PCDH9: variants seen among roughly 807,000 people sequenced by gnomAD.
PCDH9 encodes the protein protocadherin 9.
In PCDH9, 24 loss-of-function variants were observed where a neutral mutation model predicts 70.6. The observed-to-expected ratio is 0.34, with a 90% confidence interval of 0.25 to 0.48. The LOEUF is 0.48. Among genes scored for constraint, PCDH9 ranks in the 20% least tolerant of loss-of-function variants. The pLI, the probability that PCDH9 is intolerant of heterozygous loss-of-function variation, is 0.99. For synonymous variants in PCDH9, 562 were observed against 558.5 expected (o/e 1.01, Z -0.09); for missense variants, 1,281 against 1,503.6 (o/e 0.85, Z 2.45).
At chr13:67,097,104 AAT>A (rs1555306711) in intron 2 of PCDH9, among the ~76,000 whole-genome samples, 1 of 151,136 alleles carries the variant, frequency 6.6e-6, no homozygotes, top group African/African-American at 2.4e-5. Flanking sequence ...AAAAAAAAAA[AAT>A]TAGCTGGGCA....
At chr13:66,413,074 C>T (rs1047998649) in intron 4 of PCDH9, among the ~76,000 whole-genome samples, 4 of 152,152 alleles carry the variant, frequency 2.6e-5, no homozygotes, top group Non-Finnish European at 4.4e-5. Context: ...GACACCTACA[C>T]GTTTGACTTA....
chr13:67,227,494 C>T lies in PCDH9; in HGVS notation c.947G>A (p.Arg316Lys). Residue 316 changes from arginine (R) to lysine (K), a missense_variant, in exon 2 of 5, where the codon AGG (arginine) becomes AAG (lysine). By Grantham distance (26) the Arg-to-Lys change is conservative (BLOSUM62 2). Transcript: ENST00000377865. This position sits in a 1 kb window ranked among gnomAD's most constrained non-coding sequence, Gnocchi z 4.6. Reference sequence around the variant, plus strand: ...GGCTGTCTCCTCTCTATCTAAGGACCTCTGAACTGTAATCAGCCCAGTAGT... The same window carrying T: ...GGCTGTCTCCTCTCTATCTAAGGACTTCTGAACTGTAATCAGCCCAGTAGT... ...NNTTGLITVQRSLDREETAIH... is the reference protein window; with the variant it reads ...NNTTGLITVQKSLDREETAIH... The T allele has an allele frequency of 6.2e-7, 1 of 1,613,822 alleles. No individual in the cohort carries two copies. Among genetic ancestry groups the T allele is most frequent in the Admixed American group, 1.7e-5 (1 of 60,002 alleles).
intron 3 of PCDH9, among the ~76,000 whole-genome samples, chr13:66,736,579 T>C (rs2079152170): frequency 6.6e-6 from 1 of 152,018 alleles, no homozygotes; most frequent in Admixed American, 6.5e-5. Flanking sequence ...ATGGCAGCCC[T>C]AGCAAACGAA....
chr13:66,705,532 T>C (rs1462136768), intron 3 of PCDH9, among the ~76,000 whole-genome samples: 2 of 152,202 alleles, frequency 1.3e-5, no homozygotes, highest in Non-Finnish European at 2.9e-5. Flanking sequence ...AAGAGAAGTT[T>C]GAAAGTGCCT....
intron 4 of PCDH9, among the ~76,000 whole-genome samples, chr13:66,585,278 G>T (rs1171387560): frequency 6.6e-6 from 1 of 151,898 alleles, no homozygotes; most frequent in African/African-American, 2.4e-5. Context: ...AATTCTCTTT[G>T]TACTATATAA....
chr13:66,452,410 T>C (rs549269231), intron 4 of PCDH9, among the ~76,000 whole-genome samples: 1 of 152,300 alleles, frequency 6.6e-6, no homozygotes, highest in South Asian at 2.1e-4. Flanking sequence ...ATTTTCCCCA[T>C]AGCCCAAACT....
chr13:66,531,245 C>T (rs1047396875), intron 4 of PCDH9, among the ~76,000 whole-genome samples: 2 of 151,940 alleles, frequency 1.3e-5, no homozygotes, highest in Non-Finnish European at 2.9e-5. Context: ...GAGAACTCTC[C>T]GATAATAGAT....
intron 4 of PCDH9, among the ~76,000 whole-genome samples, chr13:66,372,239 A>G (rs1339854845): frequency 6.6e-6 from 1 of 151,936 alleles, no homozygotes; most frequent in Non-Finnish European, 1.5e-5. Flanking sequence ...CATGACAGAA[A>G]GTGATAAATT....
At chr13:66,527,318 T>C (rs1960261126) in intron 4 of PCDH9, among the ~76,000 whole-genome samples, 1 of 152,130 alleles carries the variant, frequency 6.6e-6, no homozygotes, top group Non-Finnish European at 1.5e-5. Context: ...ACATCATTTT[T>C]CTCTAAATTA....
intron 3 of PCDH9, among the ~76,000 whole-genome samples, chr13:66,717,850 T>G (rs969514762): frequency 6.6e-6 from 1 of 152,162 alleles, no homozygotes; most frequent in Non-Finnish European, 1.5e-5. Context: ...CAACACAATT[T>G]ATAAATATGT....
intron 4 of PCDH9, among the ~76,000 whole-genome samples, chr13:66,468,608 A>G (rs773941261): frequency 6.6e-6 from 1 of 152,240 alleles, no homozygotes; most frequent in Non-Finnish European, 1.5e-5. Context: ...GTTTCCCAGA[A>G]AGCACATTGC....
At chr13:66,518,281 T>C (rs1008779694) in intron 4 of PCDH9, among the ~76,000 whole-genome samples, 1 of 152,108 alleles carries the variant, frequency 6.6e-6, no homozygotes. Flanking sequence ...AAGCCATTCA[T>C]GAAGGATCCG....
intron 4 of PCDH9, among the ~76,000 whole-genome samples, chr13:66,498,545 G>A (rs1566371738): frequency 6.6e-6 from 1 of 151,998 alleles, no homozygotes; most frequent in Non-Finnish European, 1.5e-5. Context: ...ATATCCCTGT[G>A]ATCTGAAAAG....
At chr13:66,827,801 C>G (rs930883518) in intron 3 of PCDH9, among the ~76,000 whole-genome samples, 2 of 152,086 alleles carry the variant, frequency 1.3e-5, no homozygotes, top group Non-Finnish European at 2.9e-5. Flanking sequence ...GTAAGGAAGA[C>G]TCACCTAGAG....
chr13:66,408,881 G>C (rs1164380404), intron 4 of PCDH9, among the ~76,000 whole-genome samples: 1 of 151,664 alleles, frequency 6.6e-6, no homozygotes, highest in Non-Finnish European at 1.5e-5. Context: ...ATTTTTCTGG[G>C]GAGGAAAAAA....
chr13:66,812,721 C>T (rs746707537), intron 3 of PCDH9, among the ~76,000 whole-genome samples: 60 of 152,084 alleles, frequency 3.9e-4, no homozygotes, highest in Admixed American at 2.2e-3. Flanking sequence ...ATCTTATGAC[C>T]AAGTGACCAC....
intron 4 of PCDH9, among the ~76,000 whole-genome samples, chr13:66,596,224 C>A (rs1394948465): frequency 6.6e-6 from 1 of 151,594 alleles, no homozygotes; most frequent in Non-Finnish European, 1.5e-5. Flanking sequence ...ATATTACATA[C>A]TGTTTTGTCC....
At chr13:66,453,270 C>A (rs900718209) in intron 4 of PCDH9, among the ~76,000 whole-genome samples, 6 of 152,120 alleles carry the variant, frequency 3.9e-5, no homozygotes, top group African/African-American at 1.2e-4. Context: ...CTCTAACTAT[C>A]TAAAATTCTG....
chr13:66,610,450 A>G (rs1380920218), intron 4 of PCDH9, among the ~76,000 whole-genome samples: 1 of 152,172 alleles, frequency 6.6e-6, no homozygotes, highest in Non-Finnish European at 1.5e-5. Flanking sequence ...AATGAACTAA[A>G]GCACCAAAAA....
Sources: gnomAD v4.1 joint callset for allele counts (sites outside exome capture counted in the v4.1 genomes callset) on GRCh38, gnomAD v4.1.1 for gene constraint, Gnocchi (gnomAD v3.1) non-coding constraint, MANE v1.5 for transcripts, NCBI Gene and HGNC (gene_info 2026-07-23, HGNC 2026-07-21) for gene names.